Variants in NHLRC2 observed in about 807,000 individuals in gnomAD.
The protein encoded by NHLRC2 is NHL repeat containing 2.
NHLRC2 carries 33 observed loss-of-function variants against 68.1 expected under a neutral mutation model. The observed-to-expected ratio is 0.48, with a 90% CI of 0.37 to 0.65. The LOEUF (loss-of-function observed/expected upper bound fraction) is 0.65, where lower values mean the gene tolerates loss of function less well. NHLRC2 is among the 30% of genes least tolerant of loss of function. The probability of loss-of-function intolerance (pLI) is 0.00; values close to 1 mark genes in which losing one functional copy is unlikely to be tolerated. For synonymous variants in NHLRC2, 311 were observed against 309.6 expected, an observed-to-expected ratio of 1.00 and a Z score of -0.05; for missense variants, 761 against 853.8, an observed-to-expected ratio of 0.89 and a Z score of 1.35.
chr10:113,884,328 A>G lies in NHLRC2; in HGVS notation c.987A>G (p.Lys329=), dbSNP rs1846062126. 2 of 1,610,850 alleles carry G rather than the reference A, an allele frequency of 1.2e-6. No individual in the cohort carries two copies. Among genetic ancestry groups the G allele is most frequent in the Non-Finnish European group, 1.7e-6 (2 of 1,177,568 alleles). The change falls in exon 5 of 11, where the codon AAA becomes AAG. Residue 329 remains lysine, a synonymous_variant. Coordinates refer to ENST00000369301, the MANE Select transcript of NHLRC2 (RefSeq NM_198514.4). ...IQGTDKEGGA[K]GEQQPISSPW... The stretch of plus-strand genomic sequence containing the variant: ...GTACAGATAAAGAAGGTGGAGCAAA[A>G]GGAGAACAACAACCCATTAGTTCCC...
intron 2 of NHLRC2, among the ~76,000 whole-genome samples, chr10:113,872,317 A>G (rs772528374): frequency 6.6e-6 from 1 of 152,218 alleles, no homozygotes; most frequent in South Asian, 2.1e-4. Context: ...CTATTCATCA[A>G]TGAAACTGCC....
chr10:113,876,583 A>T lies in NHLRC2; in HGVS notation c.394A>T (p.Ile132Phe). 1 of 1,613,770 alleles carries T rather than the reference A, an allele frequency of 6.2e-7. No individual in the cohort carries two copies. Among genetic ancestry groups the T allele is most frequent in the Non-Finnish European group, 8.5e-7 (1 of 1,179,760 alleles). ...TCCAAATGAAAAAGTCCTGGATAACATTAAGAGTGCTGTTCTTCGATACAA... is the reference window on the plus strand; with the variant it reads ...TCCAAATGAAAAAGTCCTGGATAACTTTAAGAGTGCTGTTCTTCGATACAA... ...KFPNEKVLDN[I>F]KSAVLRYNIT... The change falls in exon 3 of 11, where the codon ATT becomes TTT. Residue 132 changes from isoleucine (I) to phenylalanine (F), a missense_variant. Transcript: ENST00000369301.
At chr10:113,896,222 T>C (rs969029673) in intron 5 of NHLRC2, among the ~76,000 whole-genome samples, 1 of 152,026 alleles carries the variant, frequency 6.6e-6, no homozygotes, top group African/African-American at 2.4e-5. Context: ...CACGTGTATG[T>C]TTATTGCGGC....
chr10:113,892,264 T>C (rs1250240422), intron 5 of NHLRC2, among the ~76,000 whole-genome samples: 1 of 152,252 alleles, frequency 6.6e-6, no homozygotes, highest in Non-Finnish European at 1.5e-5. Flanking sequence ...TCTAAAAATA[T>C]GTCTAATCTC....
chr10:113,876,862 T>C lies in NHLRC2; in HGVS notation c.673T>C (p.Phe225Leu). Residue 225 changes from phenylalanine (F) to leucine (L), a missense_variant, in exon 3 of 11, where the codon TTT becomes CTT. Phe to Leu is a conservative substitution (Grantham distance 22). Coordinates refer to ENST00000369301, the MANE Select transcript of NHLRC2 (RefSeq NM_198514.4). ...KDSLPPSPLLFPGKVTVDQVT... is the reference protein window; with the variant it reads ...KDSLPPSPLLLPGKVTVDQVT... ...TTCTTTGCCACCTTCACCATTGCTA[T>C]TTCCTGGCAAAGTAACAGTAGACCA... is the stretch of plus-strand genomic sequence containing the variant. 6.2e-7 allele frequency: 1 copy of C among 1,612,776 alleles called. No individual in the cohort carries two copies. The highest frequency in any genetic ancestry group is 8.5e-7 in the Non-Finnish European group (1 of 1,179,062).
At chr10:113,881,381 G>A (rs918431885) in intron 4 of NHLRC2, among the ~76,000 whole-genome samples, 2 of 151,762 alleles carry the variant, frequency 1.3e-5, no homozygotes, top group African/African-American at 2.4e-5. Flanking sequence ...TTAATATGGT[G>A]TCTGCAGAAA....
chr10:113,903,472 C>T, intron 8 of NHLRC2, 55 bp from the exon 9 acceptor site: 1 of 1,109,458 alleles, frequency 9.0e-7, no homozygotes, highest in Non-Finnish European at 1.4e-6. Flanking sequence ...CTCTTCCATA[C>T]AACAAACATG....
intron 10 of NHLRC2, among the ~76,000 whole-genome samples, chr10:113,905,871 T>G (rs921838270): frequency 6.6e-6 from 1 of 152,144 alleles, no homozygotes; most frequent in Admixed American, 6.5e-5. Context: ...GTAGACTGGC[T>G]GGGAGGAACT....
intron 4 of NHLRC2, among the ~76,000 whole-genome samples, chr10:113,881,449 T>C (rs1326610833): frequency 6.6e-6 from 1 of 151,856 alleles, no homozygotes; most frequent in Non-Finnish European, 1.5e-5. Flanking sequence ...GTTTTATTTT[T>C]GTTTAAGACC....
At chr10:113,871,462 C>G (rs942944161) in intron 2 of NHLRC2, among the ~76,000 whole-genome samples, 2 of 152,130 alleles carry the variant, frequency 1.3e-5, no homozygotes, top group African/African-American at 2.4e-5. Flanking sequence ...TGGCTAATCC[C>G]CCACGCCCCA....
At chr10:113,862,496 C>A (rs78687190) in intron 2 of NHLRC2, among the ~76,000 whole-genome samples, 27 of 123,060 alleles carry the variant, frequency 2.2e-4, no homozygotes, top group Non-Finnish European at 3.8e-4. Flanking sequence ...AAAAAAAAAA[C>A]AGTAATGTAG....
chr10:113,908,587 G>T lies in NHLRC2; in HGVS notation c.*51G>T. 1 of 1,588,106 alleles carries T rather than the reference G, an allele frequency of 6.3e-7. No homozygotes were observed. On this transcript the variant is annotated 3_prime_UTR_variant, in exon 11 of 11. Transcript: ENST00000369301. ...GCCACCACCTACTGTCTCCCATCCT[G>T]ACTATCACTGTAATTTAAGGAAAGA... is the stretch of plus-strand genomic sequence containing the variant.
In NHLRC2 at chr10:113,908,685, ATGCTCCTTACTTACTTCTT is replaced by A. The variant is rs1846296931; in HGVS notation, c.*151_*169del. ...AGACAACTGATATTAAAATAAAGCT[ATGCTCCTTACTTACTTCTT>A]TTATTATAAACAAATTCCTTTGCTT... On this transcript the variant is annotated 3_prime_UTR_variant, in exon 11 of 11. Transcript: ENST00000369301. 1 of 688,190 alleles carries A rather than the reference ATGCTCCTTACTTACTTCTT, an allele frequency of 1.5e-6. No individual in the cohort carries two copies. Among genetic ancestry groups the A allele is most frequent in the South Asian group, 1.9e-5 (1 of 51,820 alleles). 42.6% of individuals were successfully genotyped at this position (688,190 alleles called of 1,614,324 possible). A position where few individuals can be genotyped will look rare whatever the true frequency, so the allele number is the denominator to read the frequency against.
chr10:113,902,718 C>T (rs1846239546), intron 8 of NHLRC2, 125 bp downstream of exon 8: 1 of 815,994 alleles, frequency 1.2e-6, no homozygotes, highest in South Asian at 1.6e-5. Context: ...TCTTTGACAA[C>T]TATAACCCAG....
chr10:113,915,077 T>G lies in NHLRC2; in HGVS notation c.*6541T>G, dbSNP rs1341418301. ...GTGTGTTGGTTTGGTTTAATTCTTT[T>G]CAAGGGTTGGAGTTGGAAAGTGAAA... On this transcript the variant is annotated 3_prime_UTR_variant, in exon 11 of 11. Coordinates refer to ENST00000369301, the MANE Select transcript of NHLRC2 (RefSeq NM_198514.4). The G allele has an allele frequency of 2.2e-6, 1 of 456,172 alleles. No homozygotes were observed. The highest frequency in any genetic ancestry group is 4.4e-6 in the Non-Finnish European group (1 of 226,974). 28.3% of individuals were successfully genotyped at this position (456,172 alleles called of 1,614,324 possible).
In NHLRC2 at chr10:113,884,198, A is replaced by G. The variant is rs539048524; in HGVS notation, c.910-53A>G. 6.4e-6 allele frequency: 10 copies of G among 1,559,990 alleles called. No individual in the cohort carries two copies. In the East Asian group the frequency reaches 1.6e-4, roughly 25 times the overall value. ...ATTGAAAATCTTTACACAGCAAAAG[A>G]CAAAAGCAAAAGTAACATTCATTGC... On this transcript the variant is annotated intron_variant, in intron 4 of 10. Transcript: ENST00000369301.
rs781115654 is a variant in NHLRC2, at chr10:113,903,595, TA to T, written c.1564del (p.Thr522ProfsTer27). The T allele has an allele frequency of 1.2e-6, 2 of 1,612,326 alleles. No homozygotes were observed. Among genetic ancestry groups the T allele is most frequent in the South Asian group, 2.2e-5 (2 of 91,026 alleles). ...CAGGAACTGGAGACACAAATAATGT[TA>T]CCAGTTCCAGTTTTACAGAGTCAAC... ...LAGTGDTNNV[T>X]SSSFTESTFN... On this transcript the variant is annotated frameshift_variant, in exon 9 of 11. Transcript: ENST00000369301. LOFTEE classifies it high-confidence loss of function.
At chr10:113,899,762 G>T (rs1846212118) in intron 6 of NHLRC2, among the ~76,000 whole-genome samples, 1 of 151,914 alleles carries the variant, frequency 6.6e-6, no homozygotes, top group African/African-American at 2.4e-5. Flanking sequence ...ACTAAAAATA[G>T]AAAAAGTTAG....
intron 5 of NHLRC2, among the ~76,000 whole-genome samples, chr10:113,897,391 G>C (rs10787508): frequency 0.39 from 59,415 of 151,928 alleles, 13,509 homozygotes; most frequent in Admixed American, 0.53. Context: ...TACCCTCTAT[G>C]GTGTCTATTG....
Sources: allele counts gnomAD v4.1 joint callset (sites outside exome capture counted in the v4.1 genomes callset), GRCh38; gene constraint gnomAD v4.1.1; transcripts MANE v1.5; gene names NCBI Gene and HGNC (gene_info 2026-07-23, HGNC 2026-07-21).